Variants in SHCBP1L observed in about 807,000 individuals in gnomAD.
SHCBP1L encodes the protein testicular spindle-associated protein SHCBP1L.
A neutral mutation model predicts 62.5 loss-of-function variants in SHCBP1L; 67 were observed. The observed-to-expected ratio is 1.07, with a 90% CI of 0.88 to 1.31. The LOEUF (loss-of-function observed/expected upper bound fraction) is 1.31. Ranked by LOEUF, SHCBP1L falls within the 40% of genes most tolerant of loss-of-function variation. SHCBP1L has a pLI of 0.00. For missense variants in SHCBP1L, 823 were observed against 809.8 expected, an observed-to-expected ratio of 1.02 and a Z score of -0.20; for synonymous variants, 284 against 289.4, an observed-to-expected ratio of 0.98 and a Z score of 0.19.
intron 5 of SHCBP1L, among the ~76,000 whole-genome samples, chr1:182,936,826 A>T (rs1022526542): frequency 1.2e-4 from 18 of 152,054 alleles, no homozygotes; most frequent in African/African-American, 4.3e-4. Context: ...AGGTGGGAGG[A>T]TCACTTGAGC....
At chr1:182,904,947 A>G (rs1280720652) in intron 7 of SHCBP1L, among the ~76,000 whole-genome samples, 2 of 151,972 alleles carry the variant, frequency 1.3e-5, no homozygotes, top group Non-Finnish European at 2.9e-5. Flanking sequence ...GGGTTTCACT[A>G]TGTTGCCCAG....
chr1:182,929,373 TC>T (rs1183351585), intron 6 of SHCBP1L, among the ~76,000 whole-genome samples: 1 of 152,162 alleles, frequency 6.6e-6, no homozygotes. Context: ...TGGGTCTGGA[TC>T]AACATTTTGT....
chr1:182,930,594 T>TATATAA (rs1196006204), intron 5 of SHCBP1L, among the ~76,000 whole-genome samples: 4 of 99,880 alleles, frequency 4.0e-5, no homozygotes, highest in Admixed American at 1.1e-4. Flanking sequence ...TATATATATA[T>TATATAA]ACACATATAT....
At chr1:182,938,512 G>A (rs1238735979) in intron 5 of SHCBP1L, among the ~76,000 whole-genome samples, 1 of 152,066 alleles carries the variant, frequency 6.6e-6, no homozygotes, top group African/African-American at 2.4e-5. Flanking sequence ...CCAGGCTGGA[G>A]TGCAGTAGCA....
chr1:182,932,695 A>G (rs745904794), intron 5 of SHCBP1L, among the ~76,000 whole-genome samples: 199 of 152,094 alleles, frequency 1.3e-3, no homozygotes, highest in Non-Finnish European at 2.5e-3. Context: ...GGGTTTTGCC[A>G]TACTGGCCAG....
intron 9 of SHCBP1L, among the ~76,000 whole-genome samples, chr1:182,901,382 G>A (rs1649829408): frequency 6.6e-6 from 1 of 152,146 alleles, no homozygotes; most frequent in Non-Finnish European, 1.5e-5. Context: ...GCTTGAACCT[G>A]GGATGCAGAC....
intron 6 of SHCBP1L, among the ~76,000 whole-genome samples, chr1:182,912,916 C>T (rs1650234885): frequency 6.6e-6 from 1 of 151,624 alleles, no homozygotes; most frequent in South Asian, 2.1e-4. Context: ...GTGGGTGGAT[C>T]ACAAGGTCAG....
At chr1:182,937,905 T>C (rs1023775996) in intron 5 of SHCBP1L, among the ~76,000 whole-genome samples, 1 of 152,244 alleles carries the variant, frequency 6.6e-6, no homozygotes, top group Non-Finnish European at 1.5e-5. Flanking sequence ...TTTTTATTTT[T>C]CTTGCCTTTT....
intron 9 of SHCBP1L, among the ~76,000 whole-genome samples, chr1:182,902,061 C>CTTTTTTTTTTT (rs1156301250): frequency 8.1e-4 from 103 of 127,552 alleles, no homozygotes; most frequent in East Asian, 1.1e-3. Context: ...CTTTTTTTTT[C>CTTTTTTTTTTT]TTTTTTTTTT....
chr1:182,940,081 T>C (rs917014832), intron 3 of SHCBP1L, among the ~76,000 whole-genome samples: 6 of 152,192 alleles, frequency 3.9e-5, no homozygotes, highest in Non-Finnish European at 8.8e-5. Flanking sequence ...CTTTAAATTT[T>C]ATTTTTATAA....
intron 5 of SHCBP1L, among the ~76,000 whole-genome samples, chr1:182,932,175 C>T (rs955774800): frequency 6.7e-6 from 1 of 149,512 alleles, no homozygotes; most frequent in Admixed American, 6.6e-5. Context: ...TCTGGGTGTC[C>T]CACAATTTAT....
chr1:182,917,110 C>T (rs1380304782), intron 6 of SHCBP1L, among the ~76,000 whole-genome samples: 2 of 152,118 alleles, frequency 1.3e-5, no homozygotes. Context: ...AGAACACTTC[C>T]TAATTCTCAG....
chr1:182,903,734 A>T (rs1310569137), intron 8 of SHCBP1L, among the ~76,000 whole-genome samples: 1 of 152,088 alleles, frequency 6.6e-6, no homozygotes, highest in Non-Finnish European at 1.5e-5. Flanking sequence ...AGCTCAAGTG[A>T]TCCTCCCGTC....
intron 6 of SHCBP1L, among the ~76,000 whole-genome samples, chr1:182,921,630 G>C (rs189457255): frequency 7.1e-4 from 108 of 152,354 alleles, no homozygotes; most frequent in Admixed American, 1.4e-3. Flanking sequence ...CTCAGGCAGG[G>C]CGTGGTGGCT....
chr1:182,940,412 G>A lies in SHCBP1L; in HGVS notation c.687C>T (p.His229=), dbSNP rs1335099719. ...GATACACTTCCAAAAGAGGCACACT[G>A]TGTTCCAGTTCCTCCAAAATCTCAT... The part of the protein sequence containing the change: ...LVDEILEELE[H]SVPLLEVYPV... Residue 229 remains histidine, a synonymous_variant, in exon 3 of 10, where the codon CAC becomes CAT. Coordinates refer to ENST00000367547, the MANE Select transcript of SHCBP1L (RefSeq NM_030933.4). The A allele has an allele frequency of 1.2e-6, 2 of 1,613,982 alleles. No individual in the cohort carries two copies. Among genetic ancestry groups the A allele is most frequent in the Non-Finnish European group, 1.7e-6 (2 of 1,179,952 alleles).
At chr1:182,910,120 C>T (rs1410268566) in intron 6 of SHCBP1L, among the ~76,000 whole-genome samples, 1 of 152,136 alleles carries the variant, frequency 6.6e-6, no homozygotes, top group African/African-American at 2.4e-5. Context: ...GATGACAGCA[C>T]AGAAATGGTG....
intron 2 of SHCBP1L, among the ~76,000 whole-genome samples, chr1:182,943,288 T>A (rs1156887769): frequency 6.7e-6 from 1 of 148,370 alleles, no homozygotes; most frequent in African/African-American, 2.5e-5. Flanking sequence ...TTTTTTTTTT[T>A]TTTTTTTTTT....
At chr1:182,918,199 TACATATATATACACATATATATAC>T (rs1306421209) in intron 6 of SHCBP1L, among the ~76,000 whole-genome samples, 2 of 147,422 alleles carry the variant, frequency 1.4e-5, no homozygotes, top group African/African-American at 5.0e-5. Context: ...CACATATATA[TACATATATATACACATATATATAC>T]ACATATATAT....
chr1:182,914,421 C>T lies in SHCBP1L; in HGVS notation c.1183-8772G>A, dbSNP rs187714522. On this transcript the variant is annotated intron_variant, in intron 6 of 9. Transcript: ENST00000367547. ...TTGTTTCCTATATAATTTAAGATAC[C>T]GATGCCTAAAACAATCCTTGTAAAT... 1.8e-3 allele frequency among the ~76,000 whole-genome samples: 272 copies of T among 151,884 alleles called. 1 individual carries two copies. Among genetic ancestry groups the T allele is most frequent in the African/African-American group, 6.3e-3 (262 of 41,416 alleles).
Sources: allele counts gnomAD v4.1 joint callset (sites outside exome capture counted in the v4.1 genomes callset), GRCh38; gene constraint gnomAD v4.1.1; transcripts MANE v1.5; gene names NCBI Gene and HGNC (gene_info 2026-07-23, HGNC 2026-07-21).